Variants in WWOX observed in about 807,000 individuals in gnomAD.
The protein encoded by WWOX is WW domain-containing oxidoreductase.
WWOX carries 69 observed loss-of-function variants against 46.2 expected under a neutral mutation model. That is an observed-to-expected ratio of 1.49 (90% CI 1.23 to 1.82). The LOEUF is 1.82. WWOX is among the 40% of genes most tolerant of loss of function. The pLI, the probability that WWOX is intolerant of heterozygous loss-of-function variation, is 0.00. For missense variants in WWOX, 919 were observed against 542.6 expected, an observed-to-expected ratio of 1.69 and a Z score of -6.89; for synonymous variants, 359 against 202.6, an observed-to-expected ratio of 1.77 and a Z score of -6.56.
intron 8 of WWOX, among the ~76,000 whole-genome samples, chr16:78,530,217 A>T (rs1452886981): frequency 6.6e-6 from 1 of 152,200 alleles, no homozygotes. Flanking sequence ...TGTTACAGTC[A>T]GTGCTCTTTT....
intron 8 of WWOX, among the ~76,000 whole-genome samples, chr16:78,854,830 C>T (rs998407020): frequency 2.0e-5 from 3 of 152,086 alleles, no homozygotes; most frequent in African/African-American, 4.8e-5. Flanking sequence ...GATCTGCCCT[C>T]CTCGGCCTCC....
intron 8 of WWOX, among the ~76,000 whole-genome samples, chr16:78,860,687 C>T (rs916734489): frequency 1.3e-5 from 2 of 152,184 alleles, no homozygotes; most frequent in African/African-American, 4.8e-5. Context: ...AAGTGTTCTT[C>T]CTGTTAGCAG....
intron 5 of WWOX, among the ~76,000 whole-genome samples, chr16:78,360,209 G>A (rs998872121): frequency 6.6e-6 from 1 of 152,138 alleles, no homozygotes; most frequent in Non-Finnish European, 1.5e-5. Context: ...ATATTGTGAG[G>A]ACATCCACCT....
chr16:79,112,955 T>C (rs138695701), intron 8 of WWOX, among the ~76,000 whole-genome samples: 2 of 152,328 alleles, frequency 1.3e-5, no homozygotes, highest in African/African-American at 4.8e-5. Context: ...CTGGCATAGA[T>C]GGCTGTGCTT....
intron 6 of WWOX, among the ~76,000 whole-genome samples, chr16:78,410,876 A>G (rs1050705483): frequency 2.6e-5 from 4 of 151,862 alleles, no homozygotes; most frequent in Non-Finnish European, 5.9e-5. Flanking sequence ...GAAAGGACCT[A>G]ACATCATGCA....
chr16:78,741,946 C>G (rs538785241), intron 8 of WWOX, among the ~76,000 whole-genome samples: 1 of 152,108 alleles, frequency 6.6e-6, no homozygotes, highest in Non-Finnish European at 1.5e-5. Flanking sequence ...AAAGGATGTT[C>G]CACATTTAAC....
chr16:78,108,354 A>G, intron 1 of WWOX, 69 bp from the exon 2 acceptor site: 2 of 1,503,288 alleles, frequency 1.3e-6, no homozygotes, highest in Non-Finnish European at 1.8e-6. Flanking sequence ...GAAAAAATTT[A>G]ATACAATTGA....
At chr16:78,641,491 A>G (rs373782771) in intron 8 of WWOX, among the ~76,000 whole-genome samples, 14 of 152,224 alleles carry the variant, frequency 9.2e-5, no homozygotes, top group African/African-American at 2.6e-4. Context: ...TCACGCCCCA[A>G]GCTCTATTTA....
intron 8 of WWOX, among the ~76,000 whole-genome samples, chr16:78,499,728 G>C (rs541482113): frequency 9.9e-5 from 15 of 152,242 alleles, no homozygotes; most frequent in Admixed American, 9.2e-4. Flanking sequence ...TGTAGCTCCA[G>C]TATCCAGCCC....
intron 5 of WWOX, among the ~76,000 whole-genome samples, chr16:78,243,844 G>A (rs1475263110): frequency 6.6e-6 from 1 of 152,208 alleles, no homozygotes; most frequent in East Asian, 1.9e-4. Flanking sequence ...ACCGCACCTG[G>A]CCTATTGTTC....
intron 8 of WWOX, among the ~76,000 whole-genome samples, chr16:78,800,392 G>A (rs541568806): frequency 3.9e-5 from 6 of 152,244 alleles, no homozygotes; most frequent in South Asian, 2.1e-4. Context: ...ACCAGCTGTC[G>A]TTATATAATA....
intron 4 of WWOX, among the ~76,000 whole-genome samples, chr16:78,133,068 G>T (rs1472557907): frequency 6.6e-6 from 1 of 152,142 alleles, no homozygotes; most frequent in Non-Finnish European, 1.5e-5. Flanking sequence ...AAATGGAAGG[G>T]TTAGCCAAAT....
At chr16:78,511,841 G>A (rs1367979208) in intron 8 of WWOX, among the ~76,000 whole-genome samples, 1 of 152,210 alleles carries the variant, frequency 6.6e-6, no homozygotes, top group East Asian at 1.9e-4. Context: ...CTGCTGGAAT[G>A]AGACAGAGAT....
intron 8 of WWOX, among the ~76,000 whole-genome samples, chr16:78,547,172 C>G (rs559834873): frequency 6.8e-6 from 1 of 146,512 alleles, no homozygotes; most frequent in Non-Finnish European, 1.5e-5. Flanking sequence ...ACTACCAGGC[C>G]TGTTGGAATG....
At chr16:78,859,167 C>G (rs1199335886) in intron 8 of WWOX, among the ~76,000 whole-genome samples, 1 of 150,468 alleles carries the variant, frequency 6.6e-6, no homozygotes, top group Non-Finnish European at 1.5e-5. Context: ...GGGGAGAACC[C>G]TCCACCTTTG....
chr16:78,351,529 C>A (rs2081183762), intron 5 of WWOX, among the ~76,000 whole-genome samples: 1 of 152,174 alleles, frequency 6.6e-6, no homozygotes. Flanking sequence ...GTTCAGGAAG[C>A]AGGCTGCCTC....
At chr16:78,671,145 A>G (rs993376406) in intron 8 of WWOX, among the ~76,000 whole-genome samples, 2 of 152,164 alleles carry the variant, frequency 1.3e-5, no homozygotes, top group Admixed American at 6.5e-5. Flanking sequence ...CTGTTGGGCC[A>G]GGTACAGTGG....
chr16:78,933,320 T>C (rs549073932), intron 8 of WWOX, among the ~76,000 whole-genome samples: 78 of 152,254 alleles, frequency 5.1e-4, no homozygotes, highest in Non-Finnish European at 1.1e-3. Flanking sequence ...ATGCATGTAG[T>C]CCCAGCTACT....
intron 6 of WWOX, among the ~76,000 whole-genome samples, chr16:78,398,610 C>G (rs1188780951): frequency 6.6e-6 from 1 of 152,136 alleles, no homozygotes; most frequent in Admixed American, 6.5e-5. Context: ...ATGCTTTTTT[C>G]TATATTGATT....
Sources: allele counts gnomAD v4.1 joint callset (sites outside exome capture counted in the v4.1 genomes callset), GRCh38; gene constraint gnomAD v4.1.1; transcripts MANE v1.5; gene names NCBI Gene and HGNC (gene_info 2026-07-23, HGNC 2026-07-21).